GSE1: variants seen among roughly 807,000 people sequenced by gnomAD.
GSE1 encodes the protein Gse1 coiled-coil protein.
A neutral mutation model predicts 112.6 loss-of-function variants in GSE1; 32 were observed. That is an observed-to-expected ratio of 0.28 (90% CI 0.21 to 0.38). GSE1 has a LOEUF of 0.38. GSE1 is among the 10% of genes least tolerant of loss of function. The pLI is 1.00. For missense variants in GSE1, 2,348 were observed against 1,699.2 expected, an observed-to-expected ratio of 1.38 and a Z score of -6.71; for synonymous variants, 1,115 against 735.6, an observed-to-expected ratio of 1.52 and a Z score of -8.35.
rs776161288 is a variant in GSE1 at position 85,668,218 on chromosome 16, C to G, written c.3209C>G (p.Ser1070Cys). The G allele has an allele frequency of 1.9e-6, 3 of 1,610,250 alleles. No homozygotes were observed. In the South Asian group the frequency reaches 3.3e-5, roughly 18 times the overall value. The part of the protein sequence containing the change: ...SVHYNIPELQ[S>C]SSRAPPPQHN... Reference sequence around the variant, plus strand: ...CACTACAACATTCCTGAGCTGCAGTCCTCCAGCCGCGCCCCTCCACCCCAG... The same window carrying G: ...CACTACAACATTCCTGAGCTGCAGTGCTCCAGCCGCGCCCCTCCACCCCAG... The change falls in exon 14 of 16, where the codon TCC (serine) becomes TGC (cysteine). Residue 1070 changes from serine (S) to cysteine (C), a missense_variant. Transcript: ENST00000253458.
At chr16:85,505,252 G>A (rs1214941709) in intron 2 of GSE1, among the ~76,000 whole-genome samples, 1 of 152,128 alleles carries the variant, frequency 6.6e-6, no homozygotes, top group African/African-American at 2.4e-5. Flanking sequence ...TGTCACCTGA[G>A]GCCTTTCCCT....
intron 1 of GSE1, among the ~76,000 whole-genome samples, chr16:85,197,330 C>G (rs1016256611): frequency 6.6e-6 from 1 of 152,156 alleles, no homozygotes; most frequent in Non-Finnish European, 1.5e-5. Context: ...AGATGAGGCT[C>G]ACTAGCCACA....
chr16:85,246,947 A>G (rs1238876353), intron 1 of GSE1, among the ~76,000 whole-genome samples: 1 of 152,006 alleles, frequency 6.6e-6, no homozygotes, highest in Non-Finnish European at 1.5e-5. Flanking sequence ...AATGTTGCCA[A>G]GGCGCTTCCC....
At chr16:85,230,378 G>A (rs1384712303) in intron 1 of GSE1, among the ~76,000 whole-genome samples, 1 of 152,136 alleles carries the variant, frequency 6.6e-6, no homozygotes, top group Non-Finnish European at 1.5e-5. Context: ...GAAAGGGTTT[G>A]TGTTACCCAC....
rs539294967 is a variant in GSE1, at chr16:85,651,107, T to C, written c.426+2356T>C. Among the ~76,000 whole-genome samples the C allele has an allele frequency of 1.1e-3, 122 of 107,666 alleles. 3 individuals carry two copies. Among genetic ancestry groups the C allele is most frequent in the African/African-American group, 4.1e-3 (119 of 29,320 alleles). 70.6% of individuals were successfully genotyped at this position (107,666 alleles called of 152,430 possible). A position where few individuals can be genotyped will look rare whatever the true frequency, so the allele number is the denominator to read the frequency against. On this transcript the variant is annotated intron_variant, in intron 3 of 15. Transcript: ENST00000253458. ...CTCCCCCTCCGCCTTCTTTCTTTCA[T>C]CGTTGCAGCTGCGGCTGCAGCCGCT...
chr16:85,537,654 G>A (rs1405585460), intron 2 of GSE1, among the ~76,000 whole-genome samples: 1 of 152,256 alleles, frequency 6.6e-6, no homozygotes, highest in Non-Finnish European at 1.5e-5. Context: ...GCGCCTGGTT[G>A]GCTTCGTACC....
chr16:85,619,387 C>G (rs893908758), intron 1 of GSE1, among the ~76,000 whole-genome samples: 2 of 150,882 alleles, frequency 1.3e-5, no homozygotes, highest in Non-Finnish European at 2.9e-5. Flanking sequence ...ATCTATATGT[C>G]AAGCTGAGCA....
intron 13 of GSE1, among the ~76,000 whole-genome samples, chr16:85,666,964 C>G (rs2052913321): frequency 6.6e-6 from 1 of 152,256 alleles, no homozygotes; most frequent in Non-Finnish European, 1.5e-5. Flanking sequence ...CAAATCAAGT[C>G]AAGTGTAGGC....
chr16:85,539,844 G>A (rs966681483), intron 2 of GSE1, among the ~76,000 whole-genome samples: 4 of 152,182 alleles, frequency 2.6e-5, no homozygotes, highest in Non-Finnish European at 5.9e-5. Flanking sequence ...TTGCTACTGA[G>A]CTCCCATGTG....
intron 1 of GSE1, among the ~76,000 whole-genome samples, chr16:85,201,135 C>A (rs2075020817): frequency 6.6e-6 from 1 of 152,132 alleles, no homozygotes; most frequent in South Asian, 2.1e-4. Flanking sequence ...TGCAGTGGTG[C>A]AATCATAGCT....
intron 1 of GSE1, among the ~76,000 whole-genome samples, chr16:85,294,608 C>T (rs1036548553): frequency 4.5e-5 from 6 of 132,690 alleles, no homozygotes; most frequent in East Asian, 4.3e-4. Flanking sequence ...CTTGCCAGCA[C>T]GCCTCTCACT....
At chr16:85,572,213 CACACACCACATACCACACGTACAAA>C (rs950642017) in intron 1 of GSE1, among the ~76,000 whole-genome samples, 2 of 148,462 alleles carry the variant, frequency 1.3e-5, no homozygotes, top group African/African-American at 5.0e-5. Context: ...ACACAGCACG[CACACACCACATACCACACGTACAAA>C]ACACACCACA....
Position 85,666,062 on chromosome 16 carries a change from C to A in GSE1, c.2845C>A (p.Pro949Thr). Residue 949 changes from proline to threonine, a missense_variant, in exon 13 of 16, where the codon CCT (proline) becomes ACT (threonine). Pro to Thr is a conservative substitution (Grantham distance 38). Coordinates refer to ENST00000253458, the MANE Select transcript of GSE1 (RefSeq NM_014615.5). ...SLSDIPKAAE[P>T]GKLEQVRPQE... The stretch of plus-strand genomic sequence containing the variant: ...GTCTGACATCCCAAAGGCCGCGGAG[C>A]CTGGGAAGCTGGAACAGGTCCGGCC... The A allele has an allele frequency of 6.2e-7, 1 of 1,613,534 alleles. No individual in the cohort carries two copies. The highest frequency in any genetic ancestry group is 8.5e-7 in the Non-Finnish European group (1 of 1,180,014).
At chr16:85,440,147 G>C (rs2049342592) in intron 2 of GSE1, among the ~76,000 whole-genome samples, 1 of 152,236 alleles carries the variant, frequency 6.6e-6, no homozygotes, top group Non-Finnish European at 1.5e-5. Flanking sequence ...TGTTTGTCGA[G>C]TCAGTGAATG....
intron 1 of GSE1, among the ~76,000 whole-genome samples, chr16:85,332,359 G>A (rs993121114): frequency 3.0e-4 from 46 of 152,170 alleles, no homozygotes; most frequent in African/African-American, 9.9e-4. Flanking sequence ...GGTACATACC[G>A]AGCATGCACT....
chr16:85,232,793 C>T (rs1338416273), intron 1 of GSE1, among the ~76,000 whole-genome samples: 1 of 152,284 alleles, frequency 6.6e-6, no homozygotes, highest in South Asian at 2.1e-4. Flanking sequence ...ACCACCCCAG[C>T]TTTCTTAGCT....
chr16:85,553,285 G>A (rs1312335113), upstream of GSE1, among the ~76,000 whole-genome samples: 3 of 148,768 alleles, frequency 2.0e-5, no homozygotes, highest in Non-Finnish European at 4.5e-5. Context: ...CCGCCGCCCC[G>A]CTTGCCAGGC....
chr16:85,237,614 A>G lies in GSE1; in HGVS notation c.2283+65807A>G, dbSNP rs376095073. On this transcript the variant is annotated intron_variant, in intron 1 of 2. Coordinates refer to the GSE1 transcript ENST00000637419. ...AGCACTTTGGGAGGCCGAGGCGGGC[A>G]GATCACGCGGTCAGGAGATTGAGAC... Among the ~76,000 whole-genome samples, 1,163 of 152,116 alleles carry G rather than the reference A, an allele frequency of 7.6e-3. 10 individuals carry two copies. The highest frequency in any genetic ancestry group is 0.026 in the African/African-American group (1,091 of 41,490).
intron 2 of GSE1, among the ~76,000 whole-genome samples, chr16:85,487,356 G>A (rs1233919022): frequency 6.6e-6 from 1 of 152,176 alleles, no homozygotes; most frequent in Non-Finnish European, 1.5e-5. Context: ...AGGTTTTGCA[G>A]AACTGAGCTC....
Sources: gnomAD v4.1 joint callset for allele counts (sites outside exome capture counted in the v4.1 genomes callset) on GRCh38, gnomAD v4.1.1 for gene constraint, MANE v1.5 for transcripts, NCBI Gene and HGNC (gene_info 2026-07-23, HGNC 2026-07-21) for gene names.